The following GALNT17 variants were observed in gnomAD, a reference collection of about 807,000 sequenced individuals.
The protein encoded by GALNT17 is polypeptide N-acetylgalactosaminyltransferase 17.
A neutral mutation model predicts 63.7 loss-of-function variants in GALNT17; 29 were observed. That is an observed-to-expected ratio of 0.46 (90% CI 0.34 to 0.62). The LOEUF (loss-of-function observed/expected upper bound fraction) is 0.62, where lower values mean the gene tolerates loss of function less well. Ranked by LOEUF, GALNT17 falls within the 20% of genes least tolerant of loss-of-function variation. The probability of loss-of-function intolerance (pLI) is 0.01; values close to 1 mark genes in which losing one functional copy is unlikely to be tolerated. For missense variants in GALNT17, 603 were observed against 799.6 expected (o/e 0.75, Z 2.97); for synonymous variants, 305 against 318.3 (o/e 0.96, Z 0.45).
chr7:71,335,743 G>T lies in GALNT17; in HGVS notation c.422+10G>T, dbSNP rs371192663. On this transcript the variant is annotated intron_variant, in intron 2 of 10. Transcript: ENST00000333538. ...ATTATCGTCCCACCAAGTAAGTTCT[G>T]GTTCAGTCATTTGCGGAGCTTGATG... is the stretch of plus-strand genomic sequence containing the variant. The T allele has an allele frequency of 6.3e-7, 1 of 1,588,498 alleles. No individual in the cohort carries two copies. Among genetic ancestry groups the T allele is most frequent in the Non-Finnish European group, 8.6e-7 (1 of 1,166,022 alleles).
chr7:71,198,880 A>C (rs1189524449), intron 1 of GALNT17, among the ~76,000 whole-genome samples: 1 of 152,176 alleles, frequency 6.6e-6, no homozygotes, highest in Non-Finnish European at 1.5e-5. Context: ...TGGTTCATAA[A>C]CTTTAGTAGG....
Position 71,265,098 on chromosome 7 carries a change from TTATA to T in GALNT17, c.239-70434_239-70431del, listed in dbSNP as rs1554345967. 2.5e-3 allele frequency among the ~76,000 whole-genome samples: 193 copies of T among 78,364 alleles called. 3 individuals are homozygous for T. The highest frequency in any genetic ancestry group is 8.4e-3 in the African/African-American group (184 of 21,836). The allele number at this position is 78,364 out of a possible 152,430, so 51.4% of individuals were successfully genotyped here. A position where few individuals can be genotyped will look rare whatever the true frequency, so the allele number is the denominator to read the frequency against. On this transcript the variant is annotated intron_variant, in intron 1 of 10. Coordinates refer to ENST00000333538, the MANE Select transcript of GALNT17 (RefSeq NM_022479.3). ...AAATACCACACGTAACCCATAAATA[TTATA>T]TATATATATATATATATTTTTTTTT... is the stretch of plus-strand genomic sequence containing the variant.
intron 1 of GALNT17, among the ~76,000 whole-genome samples, chr7:71,282,211 C>A (rs1790790748): frequency 6.6e-6 from 1 of 152,206 alleles, no homozygotes; most frequent in Non-Finnish European, 1.5e-5. Context: ...GCATGTTCAT[C>A]CTAATGACGA....
intron 1 of GALNT17, among the ~76,000 whole-genome samples, chr7:71,206,888 G>A (rs1322626147): frequency 3.3e-5 from 5 of 152,066 alleles, no homozygotes; most frequent in East Asian, 1.9e-4. Context: ...GGCGGATCAC[G>A]AGGTCAGGAG....
intron 5 of GALNT17, among the ~76,000 whole-genome samples, chr7:71,438,043 C>A (rs73363785): frequency 6.6e-6 from 1 of 152,238 alleles, no homozygotes; most frequent in African/African-American, 2.4e-5. Flanking sequence ...CAGATTTGAA[C>A]CACAAATTTT....
At chr7:71,457,581 G>C (rs926720884) in intron 5 of GALNT17, among the ~76,000 whole-genome samples, 2 of 152,176 alleles carry the variant, frequency 1.3e-5, no homozygotes, top group Non-Finnish European at 2.9e-5. Context: ...TGCTAAACAA[G>C]GGGTGGATTA....
chr7:71,498,656 T>C lies in GALNT17; in HGVS notation c.963-72629T>C, dbSNP rs114447320. 4.3e-3 allele frequency among the ~76,000 whole-genome samples: 652 copies of C among 152,210 alleles called. 6 individuals carry two copies. Among genetic ancestry groups the C allele is most frequent in the African/African-American group, 0.015 (620 of 41,524 alleles). Reference sequence around the variant, plus strand: ...AGTGTACAAGGAGGAGATGAACATTTGCCCAGAGTCAAGATGGCTGGAATC... The same window carrying C: ...AGTGTACAAGGAGGAGATGAACATTCGCCCAGAGTCAAGATGGCTGGAATC... On this transcript the variant is annotated intron_variant, in intron 5 of 10. Coordinates refer to ENST00000333538, the MANE Select transcript of GALNT17 (RefSeq NM_022479.3).
At chr7:71,469,184 T>A (rs1787588023) in intron 5 of GALNT17, among the ~76,000 whole-genome samples, 1 of 152,136 alleles carries the variant, frequency 6.6e-6, no homozygotes, top group Non-Finnish European at 1.5e-5. Flanking sequence ...GGAAGGCCAA[T>A]GACTGCAAGG....
At chr7:71,694,040 A>G (rs1039292127) in intron 9 of GALNT17, among the ~76,000 whole-genome samples, 3 of 152,146 alleles carry the variant, frequency 2.0e-5, no homozygotes, top group African/African-American at 7.2e-5. Flanking sequence ...TAATGGACTC[A>G]CAGTTCCACG....
In GALNT17 at chr7:71,564,081, C is replaced by T. The variant is rs369265570; in HGVS notation, c.963-7204C>T. On this transcript the variant is annotated intron_variant, in intron 5 of 10. Coordinates refer to ENST00000333538, the MANE Select transcript of GALNT17 (RefSeq NM_022479.3). ...CAATGATCCAGTTAGACATTAGCCA[C>T]GTGGCAGGGGTCTTGCCAGCTCCCA... 9.2e-5 allele frequency among the ~76,000 whole-genome samples: 14 copies of T among 152,006 alleles called. No homozygotes were observed. The South Asian group carries it at 2.1e-3, about 23-fold the overall frequency.
rs182305108 is a variant in GALNT17 at position 71,232,805 on chromosome 7, C to T, written c.238+99765C>T. On this transcript the variant is annotated intron_variant, in intron 1 of 10. Transcript: ENST00000333538. Reference sequence around the variant, plus strand: ...GAAATTTCTAGATGAGGGGTGGTAACTTCTGGGTGTGGCCATGGCAGTGGT... The same window carrying T: ...GAAATTTCTAGATGAGGGGTGGTAATTTCTGGGTGTGGCCATGGCAGTGGT... 2.7e-3 allele frequency among the ~76,000 whole-genome samples: 416 copies of T among 152,184 alleles called. 7 individuals carry two copies. The highest frequency in any genetic ancestry group is 0.026 in the Admixed American group (395 of 15,290).
intron 1 of GALNT17, among the ~76,000 whole-genome samples, chr7:71,218,947 A>G (rs1386339934): frequency 6.6e-6 from 1 of 152,126 alleles, no homozygotes; most frequent in Non-Finnish European, 1.5e-5. Context: ...AATAAATGTA[A>G]TGCTCTTGAA....
At chr7:71,411,195 A>T (rs1408659833) in intron 3 of GALNT17, among the ~76,000 whole-genome samples, 1 of 151,894 alleles carries the variant, frequency 6.6e-6, no homozygotes, top group Non-Finnish European at 1.5e-5. Flanking sequence ...ATCTCAGCTC[A>T]CTGCAACCCC....
chr7:71,524,533 T>G (rs1321293141), intron 5 of GALNT17, among the ~76,000 whole-genome samples: 1 of 152,030 alleles, frequency 6.6e-6, no homozygotes, highest in Non-Finnish European at 1.5e-5. Flanking sequence ...CTTGAACTGG[T>G]TGAATCGATG....
chr7:71,427,914 T>G (rs1443002401), intron 5 of GALNT17, among the ~76,000 whole-genome samples: 4 of 152,128 alleles, frequency 2.6e-5, no homozygotes, highest in African/African-American at 9.7e-5. Flanking sequence ...TGAGATAATC[T>G]AATGCCTGAT....
intron 1 of GALNT17, among the ~76,000 whole-genome samples, chr7:71,175,216 C>A (rs1788615866): frequency 6.6e-6 from 1 of 152,078 alleles, no homozygotes. Flanking sequence ...ATCCATCCAT[C>A]CCTCCATCAC....
chr7:71,132,709 T>A lies in GALNT17; in HGVS notation c.-94T>A. ...GGGGCTTGGATCCCTGCCGGCCGTC[T>A]GGTGTGTGAGGCTTGCACGGCCCCT... On this transcript the variant is annotated 5_prime_UTR_variant, in exon 1 of 11. Coordinates refer to ENST00000333538, the MANE Select transcript of GALNT17 (RefSeq NM_022479.3). 4 of 1,054,824 alleles carry A rather than the reference T, an allele frequency of 3.8e-6. No individual in the cohort carries two copies. In the South Asian group the frequency reaches 6.8e-5, roughly 18 times the overall value. The allele number at this position is 1,054,824 out of a possible 1,614,324, so 65.3% of individuals were successfully genotyped here. A position where few individuals can be genotyped will look rare whatever the true frequency, so the allele number is the denominator to read the frequency against.
chr7:71,352,844 G>A (rs1206596712), intron 2 of GALNT17, among the ~76,000 whole-genome samples: 1 of 152,146 alleles, frequency 6.6e-6, no homozygotes, highest in African/African-American at 2.4e-5. Context: ...AAGTGACGTG[G>A]AAGCCAGAAA....
chr7:71,386,543 G>C (rs560934043), intron 2 of GALNT17, among the ~76,000 whole-genome samples: 1 of 152,088 alleles, frequency 6.6e-6, no homozygotes, highest in Non-Finnish European at 1.5e-5. Context: ...ACGGACTCTC[G>C]GTGCACCTGT....
Sources: gnomAD v4.1 joint callset for allele counts (sites outside exome capture counted in the v4.1 genomes callset) on GRCh38, gnomAD v4.1.1 for gene constraint, MANE v1.5 for transcripts, NCBI Gene and HGNC (gene_info 2026-07-23, HGNC 2026-07-21) for gene names.